GRM1: variants seen among roughly 807,000 people sequenced by gnomAD.
The protein encoded by GRM1 is glutamate metabotropic receptor 1, also known as metabotropic glutamate receptor 1.
A neutral mutation model predicts 90.9 loss-of-function variants in GRM1; 33 were observed. The ratio of observed to expected loss-of-function variants is 0.36; its 90% CI spans 0.28 to 0.49. The LOEUF (loss-of-function observed/expected upper bound fraction) is 0.49, where lower values mean the gene tolerates loss of function less well. GRM1 is among the 20% of genes least tolerant of loss of function. The probability of loss-of-function intolerance (pLI) is 0.99; values close to 1 mark genes in which losing one functional copy is unlikely to be tolerated. For synonymous variants in GRM1, 700 were observed against 613.2 expected, an observed-to-expected ratio of 1.14 and a Z score of -2.09; for missense variants, 1,190 against 1,534.3, an observed-to-expected ratio of 0.78 and a Z score of 3.75.
At chr6:146,064,873 T>A (rs1775795394) in intron 1 of GRM1, among the ~76,000 whole-genome samples, 1 of 151,908 alleles carries the variant, frequency 6.6e-6, no homozygotes. Context: ...GTTACAGAAT[T>A]TTTTTCGAGA....
chr6:146,230,733 A>G (rs1459432541), intron 2 of GRM1, among the ~76,000 whole-genome samples: 2 of 152,166 alleles, frequency 1.3e-5, no homozygotes, highest in East Asian at 3.9e-4. Flanking sequence ...TAGCAGCTTT[A>G]TTTATAATTA....
chr6:146,060,555 C>T (rs1226890221), intron 1 of GRM1, among the ~76,000 whole-genome samples: 1 of 152,166 alleles, frequency 6.6e-6, no homozygotes, highest in Non-Finnish European at 1.5e-5. Flanking sequence ...CTAGCTCCAT[C>T]TACATTGCTG....
chr6:146,238,939 T>TTCCTATAC (rs1333702982), intron 2 of GRM1, among the ~76,000 whole-genome samples: 3 of 152,102 alleles, frequency 2.0e-5, no homozygotes, highest in Non-Finnish European at 4.4e-5. Context: ...GCATTAATAG[T>TTCCTATAC]TCAGTTCACG....
intron 2 of GRM1, among the ~76,000 whole-genome samples, chr6:146,297,654 G>A (rs1173038696): frequency 6.6e-6 from 1 of 152,038 alleles, no homozygotes; most frequent in Non-Finnish European, 1.5e-5. Context: ...CTGTTAGGGG[G>A]GATTTGTTAA....
intron 6 of GRM1, among the ~76,000 whole-genome samples, chr6:146,393,403 AG>A (rs1776804097): frequency 6.6e-6 from 1 of 152,004 alleles, no homozygotes; most frequent in Admixed American, 6.6e-5. Flanking sequence ...TGTAAATTAA[AG>A]TTCCTTGTAG....
At position 146,293,613 on chromosome 6, in the gene GRM1, C is replaced by A. The variant is rs144180329; in HGVS notation, c.951-10998C>A. On this transcript the variant is annotated intron_variant, in intron 2 of 7. Coordinates refer to ENST00000282753, the MANE Select transcript of GRM1 (RefSeq NM_001278064.2). ...TTAGTATTGTTATAATATCCTTAAT[C>A]GGAAAGTTATAATATCCTCAGTTGG... 8.6e-4 allele frequency among the ~76,000 whole-genome samples: 130 copies of A among 151,874 alleles called. 1 individual carries two copies. The highest frequency in any genetic ancestry group is 3.0e-3 in the African/African-American group (125 of 41,490).
intron 2 of GRM1, among the ~76,000 whole-genome samples, chr6:146,254,456 A>C (rs974973287): frequency 1.1e-4 from 17 of 152,196 alleles, no homozygotes; most frequent in Non-Finnish European, 2.4e-4. Context: ...CAAAAACATG[A>C]AAGTGATGCC....
chr6:146,408,097 C>T (rs1777416513), intron 7 of GRM1, among the ~76,000 whole-genome samples: 2 of 152,068 alleles, frequency 1.3e-5, no homozygotes, highest in South Asian at 4.1e-4. Context: ...AGTGAGGGTC[C>T]TCTTCTGGTT....
intron 2 of GRM1, among the ~76,000 whole-genome samples, chr6:146,163,172 C>T (rs1316460223): frequency 6.6e-6 from 1 of 152,050 alleles, no homozygotes; most frequent in African/African-American, 2.4e-5. Context: ...AGCCAGCAGA[C>T]CCAGGGGAGA....
intron 5 of GRM1, among the ~76,000 whole-genome samples, chr6:146,371,572 A>G (rs538511297): frequency 6.6e-6 from 1 of 152,038 alleles, no homozygotes; most frequent in South Asian, 2.1e-4. Flanking sequence ...TATCCATTCT[A>G]TTTCTTTTGT....
intron 2 of GRM1, among the ~76,000 whole-genome samples, chr6:146,173,416 A>G (rs1039169427): frequency 1.3e-4 from 20 of 151,388 alleles, no homozygotes; most frequent in Non-Finnish European, 2.7e-4. Context: ...AAAAGAAAAA[A>G]AAAAAGAAAA....
chr6:146,065,928 G>T (rs1432286883), intron 1 of GRM1, among the ~76,000 whole-genome samples: 2 of 151,906 alleles, frequency 1.3e-5, no homozygotes, highest in East Asian at 1.9e-4. Context: ...CATAAGACAG[G>T]CAAGAAGTCA....
intron 1 of GRM1, among the ~76,000 whole-genome samples, chr6:146,145,342 T>G (rs1385111195): frequency 6.6e-6 from 1 of 152,174 alleles, no homozygotes; most frequent in Non-Finnish European, 1.5e-5. Context: ...TTCAGATATC[T>G]TTTAGGCTGT....
intron 2 of GRM1, among the ~76,000 whole-genome samples, chr6:146,167,515 A>G (rs992351470): frequency 6.6e-6 from 1 of 152,138 alleles, no homozygotes; most frequent in African/African-American, 2.4e-5. Context: ...CCAGCAATGT[A>G]TGAGAGTTCT....
intron 5 of GRM1, among the ~76,000 whole-genome samples, chr6:146,378,836 T>A (rs7758008): frequency 2.0e-4 from 31 of 151,952 alleles, no homozygotes; most frequent in African/African-American, 7.0e-4. Context: ...AATCATGAGG[T>A]CCAGTCTTTC....
At chr6:146,280,085 T>C (rs932117671) in intron 2 of GRM1, among the ~76,000 whole-genome samples, 6 of 152,178 alleles carry the variant, frequency 3.9e-5, no homozygotes, top group Admixed American at 3.9e-4. Context: ...AATACTTTTT[T>C]CATTCTAATT....
intron 1 of GRM1, among the ~76,000 whole-genome samples, chr6:146,144,670 T>C (rs916482165): frequency 6.6e-6 from 1 of 152,198 alleles, no homozygotes; most frequent in Non-Finnish European, 1.5e-5. Flanking sequence ...CAATAATGAA[T>C]ACCTGAAAAT....
At chr6:146,201,971 A>G (rs183314868) in intron 2 of GRM1, among the ~76,000 whole-genome samples, 109 of 152,310 alleles carry the variant, frequency 7.2e-4, no homozygotes, top group Admixed American at 2.2e-3. Flanking sequence ...TTTGGAAGCT[A>G]ATGCTGAACA....
intron 2 of GRM1, among the ~76,000 whole-genome samples, chr6:146,188,519 G>A (rs1271958041): frequency 6.6e-6 from 1 of 152,054 alleles, no homozygotes; most frequent in African/African-American, 2.4e-5. Context: ...TAAAATCCAA[G>A]AAGACTCCCA....
Sources: gnomAD v4.1 joint callset for allele counts (sites outside exome capture counted in the v4.1 genomes callset) on GRCh38, gnomAD v4.1.1 for gene constraint, MANE v1.5 for transcripts, NCBI Gene and HGNC (gene_info 2026-07-23, HGNC 2026-07-21) for gene names.